The following AGPAT4 variants were observed in gnomAD, a reference collection of about 807,000 sequenced individuals.
AGPAT4 encodes 1-acyl-sn-glycerol-3-phosphate acyltransferase delta.
Under a neutral mutation model 48.0 loss-of-function variants are expected in AGPAT4, and 15 were observed. The ratio of observed to expected loss-of-function variants is 0.31; its 90% CI spans 0.21 to 0.48. AGPAT4 has a LOEUF of 0.48. Ranked by LOEUF, AGPAT4 falls within the 20% of genes least tolerant of loss-of-function variation. The pLI, the probability that AGPAT4 is intolerant of heterozygous loss-of-function variation, is 0.99. For missense variants in AGPAT4, 314 were observed against 482.5 expected, an observed-to-expected ratio of 0.65 and a Z score of 3.27; for synonymous variants, 178 against 198.7, an observed-to-expected ratio of 0.90 and a Z score of 0.88.
Position 161,149,766 on chromosome 6 carries a change from T to C in AGPAT4, c.665-477A>G, listed in dbSNP as rs1436026204. On this transcript the variant is annotated intron_variant, in intron 5 of 8. Coordinates refer to ENST00000320285, the MANE Select transcript of AGPAT4 (RefSeq NM_020133.3). This position sits in a 1 kb window ranked among gnomAD's most constrained non-coding sequence, Gnocchi z 6.5. ...CATGTTGGTCAGACTGGTCTTGAACTCCTGACCTCAAGTGCTCTGCCCGCC... is the reference window on the plus strand; with the variant it reads ...CATGTTGGTCAGACTGGTCTTGAACCCCTGACCTCAAGTGCTCTGCCCGCC... 6.6e-6 allele frequency among the ~76,000 whole-genome samples: 1 copy of C among 152,166 alleles called. No homozygotes were observed. Among genetic ancestry groups the C allele is most frequent in the Non-Finnish European group, 1.5e-5 (1 of 68,032 alleles).
intron 2 of AGPAT4, among the ~76,000 whole-genome samples, chr6:161,209,650 G>A (rs1562339298): frequency 6.6e-6 from 1 of 152,218 alleles, no homozygotes; most frequent in Non-Finnish European, 1.5e-5. Flanking sequence ...TCGAGGGTCA[G>A]ACAGGCAAAG....
At position 161,272,282 on chromosome 6, in the gene AGPAT4, T is replaced by C. The variant is rs976281103; in HGVS notation, c.-90+1656A>G. On this transcript the variant is annotated intron_variant, in intron 1 of 8. Transcript: ENST00000320285. This position sits in a 1 kb window ranked among gnomAD's most constrained non-coding sequence, Gnocchi z 4.2. ...AGGGTTGCTCAAGGTTTATAAGTAA[T>C]GATTTTGGCTTTAGCAGCCGGAAGG... Among the ~76,000 whole-genome samples, 12 of 152,214 alleles carry C rather than the reference T, an allele frequency of 7.9e-5. No individual in the cohort carries two copies. The highest frequency in any genetic ancestry group is 2.4e-4 in the African/African-American group (10 of 41,454).
chr6:161,245,956 A>G lies in AGPAT4; in HGVS notation c.-89-13654T>C, dbSNP rs376739803. On this transcript the variant is annotated intron_variant, in intron 1 of 8. Transcript: ENST00000320285. This position sits in a 1 kb window ranked among gnomAD's most constrained non-coding sequence, Gnocchi z 5.2. ...CTGACATGAATCATTTATTGAAGACAGAATTGCTGGCTTCGAGTGCCCAAA... is the reference window on the plus strand; with the variant it reads ...CTGACATGAATCATTTATTGAAGACGGAATTGCTGGCTTCGAGTGCCCAAA... Among the ~76,000 whole-genome samples the G allele has an allele frequency of 4.6e-5, 7 of 152,354 alleles. 1 individual carries two copies. Among genetic ancestry groups the G allele is most frequent in the African/African-American group, 1.7e-4 (7 of 41,586 alleles).
At position 161,268,390 on chromosome 6, in the gene AGPAT4, G is replaced by T. The variant is rs117327712; in HGVS notation, c.-90+5548C>A. Among the ~76,000 whole-genome samples, 744 of 152,278 alleles carry T rather than the reference G, an allele frequency of 4.9e-3. 11 individuals carry two copies. The highest frequency in any genetic ancestry group is 0.032 in the East Asian group (166 of 5,180). ...ATACATGTGCAGAATGTGCAGGTTT[G>T]TTACATAGGTATGCGTGTGCCATGA... On this transcript the variant is annotated intron_variant, in intron 1 of 8. Coordinates refer to ENST00000320285, the MANE Select transcript of AGPAT4 (RefSeq NM_020133.3).
In AGPAT4 at chr6:161,189,712, C is replaced by T. The variant is rs1240216877; in HGVS notation, c.179-23295G>A. ...CCCCTCTTCCACCTCACTGTCTCCA[C>T]CTGCCCCTTCCTCACCCACCGCCCT... On this transcript the variant is annotated intron_variant, in intron 2 of 8. Coordinates refer to ENST00000320285, the MANE Select transcript of AGPAT4 (RefSeq NM_020133.3). This position sits in a 1 kb window ranked among gnomAD's most constrained non-coding sequence, Gnocchi z 5.3. Among the ~76,000 whole-genome samples the T allele has an allele frequency of 1.3e-5, 2 of 152,158 alleles. No homozygotes were observed. Among genetic ancestry groups the T allele is most frequent in the South Asian group, 2.1e-4 (1 of 4,818 alleles).
chr6:161,152,812 A>C (rs914971131), intron 5 of AGPAT4, among the ~76,000 whole-genome samples: 8 of 152,168 alleles, frequency 5.3e-5, no homozygotes, highest in African/African-American at 1.7e-4. Flanking sequence ...AGGTGTGCAG[A>C]AGGACACAGA....
intron 2 of AGPAT4, among the ~76,000 whole-genome samples, chr6:161,181,449 T>A (rs1466611274): frequency 6.7e-6 from 1 of 148,224 alleles, no homozygotes; most frequent in African/African-American, 2.5e-5. Flanking sequence ...TTCACACCCA[T>A]ACTTCCAGGA....
In AGPAT4 at chr6:161,148,970, C is replaced by G. The variant is rs11962039; in HGVS notation, c.767+217G>C. Among the ~76,000 whole-genome samples the G allele has an allele frequency of 2.6e-5, 4 of 152,196 alleles. No individual in the cohort carries two copies. In the South Asian group the frequency reaches 8.3e-4, roughly 32 times the overall value. On this transcript the variant is annotated intron_variant, in intron 6 of 8. Transcript: ENST00000320285. This position sits in a 1 kb window ranked among gnomAD's most constrained non-coding sequence, Gnocchi z 5.5. ...TTTGTTCAACCTAAGCTCTTTGATA[C>G]GAAAAAGCTGGTTACAGAGGATCCG... is the stretch of plus-strand genomic sequence containing the variant.
At position 161,144,183 on chromosome 6, in the gene AGPAT4, G is replaced by A. The variant is rs766136778; in HGVS notation, c.843+2341C>T. On this transcript the variant is annotated intron_variant, in intron 7 of 8. Transcript: ENST00000320285. This position sits in a 1 kb window ranked among gnomAD's most constrained non-coding sequence, Gnocchi z 6.6. ...GCACCACTTCCACTTGCTGCTCAGC[G>A]ATCTTCTCGGAAGGGCAAAGGGCCA... The A allele has an allele frequency of 1.1e-5, 6 of 533,124 alleles. No individual in the cohort carries two copies. Among genetic ancestry groups the A allele is most frequent in the Non-Finnish European group, 2.3e-5 (6 of 259,922 alleles). The allele number at this position is 533,124 out of a possible 1,614,324, so 33.0% of individuals were successfully genotyped here.
chr6:161,155,593 T>C lies in AGPAT4; in HGVS notation c.349-1283A>G, dbSNP rs1008206108. 1.3e-5 allele frequency among the ~76,000 whole-genome samples: 2 copies of C among 152,228 alleles called. No homozygotes were observed. Among genetic ancestry groups the C allele is most frequent in the African/African-American group, 4.8e-5 (2 of 41,476 alleles). On this transcript the variant is annotated intron_variant, in intron 3 of 8. Transcript: ENST00000320285. The surrounding 1 kb of genome is among the most constrained non-coding windows in gnomAD (Gnocchi z 5.8). ...AAGAAACTTCTTCCCTCACATGGGA[T>C]AGAAAAGGCAGATACCTTCTAGGTT...
At chr6:161,257,718 A>T (rs530233233) in intron 1 of AGPAT4, among the ~76,000 whole-genome samples, 1 of 152,312 alleles carries the variant, frequency 6.6e-6, no homozygotes, top group East Asian at 1.9e-4. Context: ...ATTAAAAAGG[A>T]ATGTGGACAA....
At position 161,136,047 on chromosome 6, in the gene AGPAT4, G is replaced by T. The variant is rs538231846; in HGVS notation, c.*493C>A. 1 of 158,814 alleles carries T rather than the reference G, an allele frequency of 6.3e-6. No homozygotes were observed. Among genetic ancestry groups the T allele is most frequent in the South Asian group, 1.9e-4 (1 of 5,382 alleles). 9.8% of individuals were successfully genotyped at this position (158,814 alleles called of 1,614,324 possible). On this transcript the variant is annotated 3_prime_UTR_variant, in exon 9 of 9. Coordinates refer to ENST00000320285, the MANE Select transcript of AGPAT4 (RefSeq NM_020133.3). ...CGGGCAAGGGCAGGATGGAGGGGCA[G>T]CGGTCCATGTCAACATACACCACAG...
chr6:161,224,755 T>C (rs1270696395), intron 2 of AGPAT4, among the ~76,000 whole-genome samples: 4 of 151,818 alleles, frequency 2.6e-5, no homozygotes, highest in African/African-American at 9.7e-5. Context: ...GCCTGACACA[T>C]ATTAGGTGCT....
intron 1 of AGPAT4, among the ~76,000 whole-genome samples, chr6:161,271,761 A>G (rs193218098): frequency 6.6e-6 from 1 of 152,008 alleles, no homozygotes; most frequent in Non-Finnish European, 1.5e-5. Context: ...GTTCTATTCC[A>G]TTAGGCTTTT....
intron 2 of AGPAT4, among the ~76,000 whole-genome samples, chr6:161,176,440 CAG>C (rs1407827496): frequency 4.6e-5 from 7 of 152,184 alleles, no homozygotes; most frequent in Admixed American, 4.6e-4. Context: ...TCTGTTTTAT[CAG>C]AGACTAGGAT....
At chr6:161,239,153 T>G (rs927827615) in intron 1 of AGPAT4, among the ~76,000 whole-genome samples, 3 of 152,128 alleles carry the variant, frequency 2.0e-5, no homozygotes, top group African/African-American at 4.8e-5. Context: ...CAGCACAGCG[T>G]TTGGTCGATG....
chr6:161,247,548 C>G lies in AGPAT4; in HGVS notation c.-89-15246G>C, dbSNP rs560426344. ...CTCAATAAAGTAAGTATTGAAGGAA[C>G]GTTCCTTAAAATAATAAGAGCCATC... On this transcript the variant is annotated intron_variant, in intron 1 of 8. Transcript: ENST00000320285. Among the ~76,000 whole-genome samples, 18 of 152,218 alleles carry G rather than the reference C, an allele frequency of 1.2e-4. No individual in the cohort carries two copies. The South Asian group carries it at 3.7e-3, about 32-fold the overall frequency.
At position 161,133,678 on chromosome 6, in the gene AGPAT4, C is replaced by T. The variant is rs960507036; in HGVS notation, c.*2862G>A. The T allele has an allele frequency of 4.6e-5, 7 of 152,176 alleles. No homozygotes were observed. The highest frequency in any genetic ancestry group is 8.8e-5 in the Non-Finnish European group (6 of 68,046). The allele number at this position is 152,176 out of a possible 1,614,324, so 9.4% of individuals were successfully genotyped here. Reference sequence around the variant, plus strand: ...TGCAGGAGTCGCCTAGGATATGGCCCGTCACGTCTGGGGATGACCCTGCAC... The same window carrying T: ...TGCAGGAGTCGCCTAGGATATGGCCTGTCACGTCTGGGGATGACCCTGCAC... On this transcript the variant is annotated 3_prime_UTR_variant, in exon 9 of 9. Transcript: ENST00000320285.
rs1454188898 is a variant in AGPAT4, at chr6:161,231,780, G to T, written c.178+256C>A. On this transcript the variant is annotated intron_variant, in intron 2 of 8. Coordinates refer to ENST00000320285, the MANE Select transcript of AGPAT4 (RefSeq NM_020133.3). This position sits in a 1 kb window ranked among gnomAD's most constrained non-coding sequence, Gnocchi z 5.3. ...CTGATTGGTTCTGAGGAGAACTAAA[G>T]AAACTAATGGAATGCGTATTTACTT... Among the ~76,000 whole-genome samples the T allele has an allele frequency of 6.6e-6, 1 of 152,138 alleles. No homozygotes were observed. Among genetic ancestry groups the T allele is most frequent in the African/African-American group, 2.4e-5 (1 of 41,436 alleles).
Sources: allele counts gnomAD v4.1 joint callset (sites outside exome capture counted in the v4.1 genomes callset), GRCh38; gene constraint gnomAD v4.1.1; non-coding constraint Gnocchi (gnomAD v3.1); transcripts MANE v1.5; gene names NCBI Gene and HGNC (gene_info 2026-07-23, HGNC 2026-07-21).